The following HDAC4 variants were observed in gnomAD, a reference collection of about 807,000 sequenced individuals.
HDAC4 encodes the protein histone deacetylase A.
Under a neutral mutation model 135.1 loss-of-function variants are expected in HDAC4, and 16 were observed. The ratio of observed to expected loss-of-function variants is 0.12; its 90% CI spans 0.08 to 0.18. The LOEUF (loss-of-function observed/expected upper bound fraction) is 0.18. HDAC4 is among the 10% of genes least tolerant of loss of function. The pLI is 1.00. For missense variants in HDAC4, 1,143 were observed against 1,511.8 expected (o/e 0.76, Z 4.05); for synonymous variants, 685 against 653.4 (o/e 1.05, Z -0.74).
Position 239,244,890 on chromosome 2 carries a change from C to A in HDAC4, c.23-8226G>T, listed in dbSNP as rs114944058. On this transcript the variant is annotated intron_variant, in intron 2 of 26. Coordinates refer to ENST00000543185, the MANE Select transcript of HDAC4 (RefSeq NM_001378414.1). ...TGATGCTCCATAAACTTGTGCCCACCCAACCGGCCCTCCCTGGGAGCTCTG... is the reference window on the plus strand; with the variant it reads ...TGATGCTCCATAAACTTGTGCCCACACAACCGGCCCTCCCTGGGAGCTCTG... 6.3e-3 allele frequency among the ~76,000 whole-genome samples: 954 copies of A among 152,272 alleles called. 15 individuals carry two copies. Among genetic ancestry groups the A allele is most frequent in the African/African-American group, 0.021 (891 of 41,560 alleles).
At chr2:239,164,266 C>T (rs939029772) in intron 5 of HDAC4, among the ~76,000 whole-genome samples, 6 of 152,236 alleles carry the variant, frequency 3.9e-5, no homozygotes, top group Non-Finnish European at 5.9e-5. Flanking sequence ...GTGGTGGTTG[C>T]ATTCTTGCTA....
intron 2 of HDAC4, among the ~76,000 whole-genome samples, chr2:239,249,999 C>T (rs1005849437): frequency 1.3e-5 from 2 of 152,110 alleles, no homozygotes; most frequent in South Asian, 2.1e-4. Context: ...CCGGGCCTCC[C>T]GCCTCTGGAA....
intron 3 of HDAC4, among the ~76,000 whole-genome samples, chr2:239,221,758 C>T (rs1008586825): frequency 5.9e-5 from 9 of 152,130 alleles, no homozygotes; most frequent in African/African-American, 1.9e-4. Flanking sequence ...TCATCGTGGA[C>T]GAGAGCCATT....
At chr2:239,145,100 C>T (rs184974808) in intron 7 of HDAC4, among the ~76,000 whole-genome samples, 4 of 152,316 alleles carry the variant, frequency 2.6e-5, no homozygotes, top group African/African-American at 9.6e-5. Context: ...GTAACTAATG[C>T]TCTTCTAGAT....
intron 2 of HDAC4, among the ~76,000 whole-genome samples, chr2:239,250,917 G>A (rs562052769): frequency 7.6e-4 from 116 of 152,268 alleles, no homozygotes; most frequent in African/African-American, 2.6e-3. Flanking sequence ...CTGCAGACCC[G>A]GGGAACCTGC....
chr2:239,138,450 A>G (rs1448864603), intron 9 of HDAC4, among the ~76,000 whole-genome samples: 2 of 152,258 alleles, frequency 1.3e-5, no homozygotes, highest in East Asian at 3.8e-4. Flanking sequence ...TAAATATTTA[A>G]GAAGGAAAGT....
At chr2:239,249,420 C>G (rs1392037855) in intron 2 of HDAC4, among the ~76,000 whole-genome samples, 2 of 152,190 alleles carry the variant, frequency 1.3e-5, no homozygotes, top group Non-Finnish European at 2.9e-5. Context: ...GTGCCACACT[C>G]ACCCAGGTAG....
At chr2:239,170,689 C>A (rs1397891715) in intron 5 of HDAC4, among the ~76,000 whole-genome samples, 1 of 152,186 alleles carries the variant, frequency 6.6e-6, no homozygotes, top group East Asian at 1.9e-4. Context: ...CTAGACAAAG[C>A]ACCCTAGCCT....
chr2:239,054,336 C>G (rs958366993), intron 25 of HDAC4, among the ~76,000 whole-genome samples: 51 of 152,116 alleles, frequency 3.4e-4, no homozygotes, highest in African/African-American at 1.2e-3. Context: ...GGGCCTACAC[C>G]CTGCCTCTCT....
At position 239,083,042 on chromosome 2, in the gene HDAC4, T is replaced by C. The variant is rs569788366; in HGVS notation, c.2533-821A>G. On this transcript the variant is annotated intron_variant, in intron 20 of 26. Transcript: ENST00000543185. ...AAGGGCAGCTACAGGTGAGGAGCGATGGACAAGAACCTTCCACCCCACAGA... is the reference window on the plus strand; with the variant it reads ...AAGGGCAGCTACAGGTGAGGAGCGACGGACAAGAACCTTCCACCCCACAGA... Among the ~76,000 whole-genome samples, 18 of 152,380 alleles carry C rather than the reference T, an allele frequency of 1.2e-4. No homozygotes were observed. In the South Asian group the frequency reaches 3.1e-3, roughly 26 times the overall value.
chr2:239,246,789 G>A (rs2048489490), intron 2 of HDAC4, among the ~76,000 whole-genome samples: 1 of 152,248 alleles, frequency 6.6e-6, no homozygotes, highest in African/African-American at 2.4e-5. Flanking sequence ...AAGTGATTTA[G>A]CAAATCAGGA....
At position 239,102,237 on chromosome 2, in the gene HDAC4, T is replaced by C. The variant is rs562160908; in HGVS notation, c.2233+539A>G. On this transcript the variant is annotated intron_variant, in intron 16 of 26. Coordinates refer to ENST00000543185, the MANE Select transcript of HDAC4 (RefSeq NM_001378414.1). Reference sequence around the variant, plus strand: ...AGCTGGCTGGGAGTTCACCTGCCTCTGCTGAAGATCCCTGTGGAAAGCCTC... The same window carrying C: ...AGCTGGCTGGGAGTTCACCTGCCTCCGCTGAAGATCCCTGTGGAAAGCCTC... Among the ~76,000 whole-genome samples the C allele has an allele frequency of 1.1e-3, 174 of 152,334 alleles. 2 individuals carry two copies. The highest frequency in any genetic ancestry group is 4.1e-3 in the African/African-American group (169 of 41,584).
intron 9 of HDAC4, among the ~76,000 whole-genome samples, chr2:239,137,563 G>A (rs2041057782): frequency 6.6e-6 from 1 of 152,140 alleles, no homozygotes; most frequent in East Asian, 1.9e-4. Context: ...GTACAGTAGT[G>A]TTTCTAGGGA....
chr2:239,053,492 C>A lies in HDAC4; in HGVS notation c.3198G>T (p.Ser1066=), dbSNP rs752090163. ...EEAETVTAMA[S]LSVGVKPAEK... is the part of the protein sequence containing the mutation. ...CGGCGGGCTTCACGCCCACGGACAG[C>A]GAGGCCATGGCGGTGACCGTCTCGG... The change falls in exon 26 of 27, where the codon TCG becomes TCT. Residue 1066 remains serine (S), a synonymous_variant. Transcript: ENST00000543185. 1 of 1,613,436 alleles carries A rather than the reference C, an allele frequency of 6.2e-7. No individual in the cohort carries two copies. The highest frequency in any genetic ancestry group is 1.7e-5 in the Admixed American group (1 of 59,994).
intron 14 of HDAC4, among the ~76,000 whole-genome samples, chr2:239,109,788 A>C (rs2038503354): frequency 6.6e-6 from 1 of 152,198 alleles, no homozygotes; most frequent in Non-Finnish European, 1.5e-5. Context: ...GTGCAGAAAC[A>C]ACCAGTTGCT....
intron 2 of HDAC4, among the ~76,000 whole-genome samples, chr2:239,338,286 C>T (rs549173170): frequency 6.6e-6 from 1 of 152,166 alleles, no homozygotes; most frequent in Non-Finnish European, 1.5e-5. Context: ...AGCTTCCTAT[C>T]CACCACGTCC....
At chr2:239,273,805 G>C (rs2050194122) in intron 2 of HDAC4, among the ~76,000 whole-genome samples, 1 of 152,236 alleles carries the variant, frequency 6.6e-6, no homozygotes. Flanking sequence ...GGAAACGGCT[G>C]TGTCCATCAC....
In HDAC4 at chr2:239,264,197, G is replaced by A. The variant is rs372598831; in HGVS notation, c.23-27533C>T. ...CCAGACACCGGAGTTCCTGCCGCTC[G>A]GGGACTCCCAGCAGGCACAGGCTTC... On this transcript the variant is annotated intron_variant, in intron 2 of 26. Transcript: ENST00000543185. Among the ~76,000 whole-genome samples, 63 of 152,254 alleles carry A rather than the reference G, an allele frequency of 4.1e-4. 1 individual carries two copies. The South Asian group carries it at 9.7e-3, about 24-fold the overall frequency.
At chr2:239,354,491 T>C (rs1693361735) in intron 1 of HDAC4, among the ~76,000 whole-genome samples, 1 of 152,126 alleles carries the variant, frequency 6.6e-6, no homozygotes, top group African/African-American at 2.4e-5. Context: ...TCAAGTGCTT[T>C]CAGAGGCTTC....
Sources: gnomAD v4.1 joint callset for allele counts (sites outside exome capture counted in the v4.1 genomes callset) on GRCh38, gnomAD v4.1.1 for gene constraint, MANE v1.5 for transcripts, NCBI Gene and HGNC (gene_info 2026-07-23, HGNC 2026-07-21) for gene names.